Variants in NAALADL2 observed in about 807,000 individuals in gnomAD.
The protein encoded by NAALADL2 is inactive N-acetylated-alpha-linked acidic dipeptidase-like protein 2.
In NAALADL2, 76 loss-of-function variants were observed where a neutral mutation model predicts 87.2. The observed-to-expected ratio is 0.87, with a 90% CI of 0.72 to 1.05. NAALADL2 has a LOEUF of 1.05. Among genes scored for constraint, NAALADL2 ranks in the 50% least tolerant of loss-of-function variants. NAALADL2 has a pLI of 0.00. For synonymous variants in NAALADL2, 354 were observed against 331.0 expected, an observed-to-expected ratio of 1.07 and a Z score of -0.75; for missense variants, 1,089 against 945.8, an observed-to-expected ratio of 1.15 and a Z score of -1.99.
chr3:175,521,351 C>G (rs532462045), intron 9 of NAALADL2, among the ~76,000 whole-genome samples: 1 of 151,836 alleles, frequency 6.6e-6, no homozygotes, highest in East Asian at 1.9e-4. Flanking sequence ...TTCTACAGTT[C>G]TCAAAATAAA....
intron 11 of NAALADL2, chr3:175,675,564 A>G (rs980539271): frequency 6.6e-6 from 1 of 152,238 alleles, no homozygotes; most frequent in Non-Finnish European, 1.5e-5. Context: ...ACTGTGAGTA[A>G]TTCTTCCAAT....
At chr3:175,466,947 T>C in intron 7 of NAALADL2, 32 bp from the exon 8 acceptor site, 1 of 1,525,894 alleles carries the variant, frequency 6.6e-7, no homozygotes, top group South Asian at 1.1e-5. Context: ...TTTACATTTT[T>C]TTAAATGGCT....
chr3:175,025,861 G>C (rs968717556), intron 1 of NAALADL2, among the ~76,000 whole-genome samples: 1 of 152,078 alleles, frequency 6.6e-6, no homozygotes, highest in Non-Finnish European at 1.5e-5. Context: ...CCAGGCTGGA[G>C]TGCAGTGGCG....
At chr3:175,418,797 G>T (rs997788383) in intron 5 of NAALADL2, among the ~76,000 whole-genome samples, 4 of 151,902 alleles carry the variant, frequency 2.6e-5, no homozygotes, top group African/African-American at 9.7e-5. Flanking sequence ...GTTTTATATT[G>T]CTTTGAAAAA....
chr3:174,783,014 G>A (rs1216139637), intron 3 of NAALADL2, among the ~76,000 whole-genome samples: 1 of 152,006 alleles, frequency 6.6e-6, no homozygotes, highest in Non-Finnish European at 1.5e-5. Context: ...GGCGTCTCTT[G>A]GCTGTCTTTC....
intron 3 of NAALADL2, among the ~76,000 whole-genome samples, chr3:174,746,999 C>T (rs902976659): frequency 1.3e-5 from 2 of 152,048 alleles, no homozygotes; most frequent in East Asian, 3.9e-4. Flanking sequence ...TAGGCAATAC[C>T]ATTTGGGAAA....
intron 3 of NAALADL2, among the ~76,000 whole-genome samples, chr3:175,249,762 C>T (rs530145294): frequency 6.6e-6 from 1 of 152,126 alleles, no homozygotes; most frequent in South Asian, 2.1e-4. Flanking sequence ...TCTTCTTTCC[C>T]AGAATTCATC....
intron 5 of NAALADL2, among the ~76,000 whole-genome samples, chr3:175,383,535 G>C (rs2148993482): frequency 6.6e-6 from 1 of 152,016 alleles, no homozygotes; most frequent in South Asian, 2.1e-4. Context: ...TATTCCTCCT[G>C]TCTAAATAAA....
chr3:175,150,137 A>G (rs1421821080), intron 2 of NAALADL2, among the ~76,000 whole-genome samples: 3 of 152,194 alleles, frequency 2.0e-5, no homozygotes, highest in Non-Finnish European at 2.9e-5. Flanking sequence ...TCGTGAGATT[A>G]AGAATCTTTC....
chr3:175,331,106 A>G (rs559023166), intron 5 of NAALADL2, among the ~76,000 whole-genome samples: 1 of 152,288 alleles, frequency 6.6e-6, no homozygotes, highest in Non-Finnish European at 1.5e-5. Flanking sequence ...GAAGAAATAG[A>G]AAACCTGGAC....
At chr3:174,848,001 C>T (rs1724825746) in intron 3 of NAALADL2, among the ~76,000 whole-genome samples, 2 of 144,814 alleles carry the variant, frequency 1.4e-5, no homozygotes, top group South Asian at 2.1e-4. Flanking sequence ...TAACTCTTTT[C>T]TCTCTCTTTT....
At chr3:174,998,415 C>T (rs371161090) in intron 1 of NAALADL2, among the ~76,000 whole-genome samples, 2 of 152,182 alleles carry the variant, frequency 1.3e-5, no homozygotes, top group African/African-American at 4.8e-5. Flanking sequence ...TTCTTAAACT[C>T]AAGTTCGAGA....
intron 3 of NAALADL2, among the ~76,000 whole-genome samples, chr3:175,238,095 C>A (rs957271696): frequency 4.6e-5 from 7 of 151,874 alleles, no homozygotes; most frequent in African/African-American, 1.7e-4. Context: ...AACCATATCT[C>A]TGAGAGTTTT....
chr3:175,567,916 A>C (rs1717458244), intron 9 of NAALADL2, among the ~76,000 whole-genome samples: 1 of 151,958 alleles, frequency 6.6e-6, no homozygotes, highest in African/African-American at 2.4e-5. Context: ...CAGTTTCGCC[A>C]TGTTGGCAAG....
Position 175,652,364 on chromosome 3 carries a change from G to A in NAALADL2, c.1896+24978G>A, listed in dbSNP as rs1730875430. Among the ~76,000 whole-genome samples, 3 of 152,142 alleles carry A rather than the reference G, an allele frequency of 2.0e-5. No individual in the cohort carries two copies. The South Asian group carries it at 6.2e-4, about 32-fold the overall frequency. ...GAGGGAGAATTTTAAAGATGTGTTAGCAACAACTCTCCCCTCACCCCACCA... is the reference window on the plus strand; with the variant it reads ...GAGGGAGAATTTTAAAGATGTGTTAACAACAACTCTCCCCTCACCCCACCA... On this transcript the variant is annotated intron_variant, in intron 11 of 13. Transcript: ENST00000454872.
intron 5 of NAALADL2, among the ~76,000 whole-genome samples, chr3:175,442,314 C>T (rs920087058): frequency 2.2e-5 from 3 of 135,572 alleles, no homozygotes; most frequent in Non-Finnish European, 4.9e-5. Context: ...TATATATATA[C>T]TGGTTACTAA....
chr3:174,735,829 G>A (rs957676007), intron 2 of NAALADL2, among the ~76,000 whole-genome samples: 3 of 152,172 alleles, frequency 2.0e-5, no homozygotes, highest in African/African-American at 7.2e-5. Context: ...GCCTTTGCCA[G>A]AGTTTTGCTC....
At chr3:174,511,666 T>G (rs1392655307) in intron 1 of NAALADL2, among the ~76,000 whole-genome samples, 5 of 151,998 alleles carry the variant, frequency 3.3e-5, no homozygotes, top group Admixed American at 3.3e-4. Context: ...TTTCTATGTG[T>G]AGGCTTAAAT....
intron 5 of NAALADL2, among the ~76,000 whole-genome samples, chr3:175,419,429 G>A (rs1715264715): frequency 6.6e-6 from 1 of 151,634 alleles, no homozygotes; most frequent in African/African-American, 2.4e-5. Flanking sequence ...ATTATTATAA[G>A]CACAAAAGCC....
Sources: gnomAD v4.1 joint callset for allele counts (sites outside exome capture counted in the v4.1 genomes callset) on GRCh38, gnomAD v4.1.1 for gene constraint, MANE v1.5 for transcripts, NCBI Gene and HGNC (gene_info 2026-07-23, HGNC 2026-07-21) for gene names.